HS6ST3: variants seen among roughly 807,000 people sequenced by gnomAD.
The protein encoded by HS6ST3 is heparan-sulfate 6-O-sulfotransferase 3.
In HS6ST3, 12 loss-of-function variants were observed where a neutral mutation model predicts 36.7. The observed-to-expected ratio is 0.33, with a 90% CI of 0.21 to 0.53. HS6ST3 has a LOEUF of 0.53. Among genes scored for constraint, HS6ST3 ranks in the 20% least tolerant of loss-of-function variants. The pLI, the probability that HS6ST3 is intolerant of heterozygous loss-of-function variation, is 0.95. For synonymous variants in HS6ST3, 240 were observed against 257.5 expected (o/e 0.93, Z 0.65); for missense variants, 584 against 640.9 (o/e 0.91, Z 0.96).
intron 1 of HS6ST3, among the ~76,000 whole-genome samples, chr13:96,361,188 C>T (rs567105223): frequency 3.5e-4 from 53 of 152,186 alleles, no homozygotes; most frequent in East Asian, 1.4e-3. Context: ...GTGAGTAACA[C>T]GGGCACACTT....
At chr13:96,666,091 A>G (rs764131974) in intron 1 of HS6ST3, among the ~76,000 whole-genome samples, 9 of 152,206 alleles carry the variant, frequency 5.9e-5, no homozygotes, top group Non-Finnish European at 8.8e-5. Context: ...GGGAAGCTCA[A>G]GAAACTTACA....
chr13:96,365,074 C>T (rs556187316), intron 1 of HS6ST3, among the ~76,000 whole-genome samples: 2 of 152,284 alleles, frequency 1.3e-5, no homozygotes, highest in South Asian at 2.1e-4. Flanking sequence ...CTTCCTTTCC[C>T]TCCAATGTGA....
intron 1 of HS6ST3, among the ~76,000 whole-genome samples, chr13:96,625,071 T>G (rs1159086564): frequency 6.6e-6 from 1 of 152,210 alleles, no homozygotes; most frequent in East Asian, 1.9e-4. Context: ...CCATAGGCAG[T>G]GCACAGGGAG....
chr13:96,633,481 T>C (rs2056538817), intron 1 of HS6ST3, among the ~76,000 whole-genome samples: 1 of 152,140 alleles, frequency 6.6e-6, no homozygotes, highest in African/African-American at 2.4e-5. Context: ...AGTCCATTAG[T>C]CTATTATTTC....
chr13:96,728,775 G>A (rs896824528), intron 1 of HS6ST3, among the ~76,000 whole-genome samples: 1 of 152,112 alleles, frequency 6.6e-6, no homozygotes, highest in African/African-American at 2.4e-5. Context: ...TCAAGGGAGA[G>A]CCACAATTGT....
intron 1 of HS6ST3, among the ~76,000 whole-genome samples, chr13:96,415,318 G>A (rs1223938782): frequency 1.3e-5 from 2 of 152,176 alleles, no homozygotes; most frequent in Non-Finnish European, 2.9e-5. Flanking sequence ...AGGAATCCAT[G>A]AGAAGCCCCA....
intron 1 of HS6ST3, among the ~76,000 whole-genome samples, chr13:96,385,543 T>C (rs2055363280): frequency 6.6e-6 from 1 of 152,214 alleles, no homozygotes; most frequent in Non-Finnish European, 1.5e-5. Flanking sequence ...TGGACCACTC[T>C]TGAGCTGCAT....
At chr13:96,094,311 A>G (rs1258767145) in intron 1 of HS6ST3, among the ~76,000 whole-genome samples, 2 of 152,190 alleles carry the variant, frequency 1.3e-5, no homozygotes, top group Non-Finnish European at 2.9e-5. Context: ...TACTATGTAG[A>G]TATATAGTAA....
intron 1 of HS6ST3, among the ~76,000 whole-genome samples, chr13:96,597,531 A>G (rs549796787): frequency 6.6e-6 from 1 of 151,460 alleles, no homozygotes; most frequent in South Asian, 2.1e-4. Context: ...ATTTATTGAG[A>G]TTATTTATTT....
At chr13:96,507,768 G>T in intron 1 of HS6ST3, among the ~76,000 whole-genome samples, 1 of 152,080 alleles carries the variant, frequency 6.6e-6, no homozygotes, top group East Asian at 1.9e-4. Flanking sequence ...TAGAATCATC[G>T]TTATTATTTG....
chr13:96,092,274 T>C (rs2139290126), intron 1 of HS6ST3, among the ~76,000 whole-genome samples: 1 of 152,324 alleles, frequency 6.6e-6, no homozygotes, highest in Admixed American at 6.5e-5. Context: ...GTTAAATGCC[T>C]ACAGGGTGCC....
rs78398825 is a variant in HS6ST3 at position 96,272,440 on chromosome 13, A to T, written c.707+180871A>T. On this transcript the variant is annotated intron_variant, in intron 1 of 1. Transcript: ENST00000376705. Reference sequence around the variant, plus strand: ...TTCCTCTCTGGTGATGAGTATAGGAATTCCTCCTCCCCAATTCCTGTTTAG... The same window carrying T: ...TTCCTCTCTGGTGATGAGTATAGGATTTCCTCCTCCCCAATTCCTGTTTAG... Among the ~76,000 whole-genome samples the T allele has an allele frequency of 9.8e-3, 1,493 of 152,064 alleles. 45 individuals are homozygous for T. Among genetic ancestry groups the T allele is most frequent in the African/African-American group, 0.035 (1,435 of 41,392 alleles).
chr13:96,296,279 C>T (rs1045453089), intron 1 of HS6ST3, among the ~76,000 whole-genome samples: 6 of 152,140 alleles, frequency 3.9e-5, no homozygotes, highest in Non-Finnish European at 8.8e-5. Context: ...AAGGATTTCT[C>T]CAATGAGCTT....
chr13:96,303,200 C>T (rs1420014884), intron 1 of HS6ST3, among the ~76,000 whole-genome samples: 5 of 152,098 alleles, frequency 3.3e-5, no homozygotes, highest in African/African-American at 1.2e-4. Context: ...ATGTTGATGC[C>T]TAAACTTCTC....
intron 1 of HS6ST3, among the ~76,000 whole-genome samples, chr13:96,297,561 C>G (rs2054861115): frequency 6.6e-6 from 1 of 152,148 alleles, no homozygotes; most frequent in African/African-American, 2.4e-5. Context: ...AGTTCTCACA[C>G]TGTTCCTTCC....
At chr13:96,395,033 T>C (rs912693) in intron 1 of HS6ST3, among the ~76,000 whole-genome samples, 127,189 of 151,822 alleles carry the variant, frequency 0.84, 53,687 homozygotes, top group South Asian at 0.91. Context: ...CTATTAAGGC[T>C]TCATTTGTTC....
At chr13:96,274,801 A>G (rs9556543) in intron 1 of HS6ST3, among the ~76,000 whole-genome samples, 8,341 of 151,220 alleles carry the variant, frequency 0.055, 315 homozygotes, top group East Asian at 0.15. Context: ...AAAGCTGACC[A>G]TAAAATTCCA....
rs146817807 is a variant in HS6ST3, at chr13:96,494,691, G to T, written c.708-337799G>T. Reference sequence around the variant, plus strand: ...CACACACACATACACACACACACACGAGGTAAGAGATAAGAAAAAGATAAA... The same window carrying T: ...CACACACACATACACACACACACACTAGGTAAGAGATAAGAAAAAGATAAA... On this transcript the variant is annotated intron_variant, in intron 1 of 1. Transcript: ENST00000376705. Among the ~76,000 whole-genome samples the T allele has an allele frequency of 1.5e-3, 221 of 151,700 alleles. 3 individuals carry two copies. The East Asian group carries it at 0.036, about 25-fold the overall frequency.
intron 1 of HS6ST3, among the ~76,000 whole-genome samples, chr13:96,698,173 C>T (rs1224645181): frequency 1.3e-5 from 2 of 152,028 alleles, no homozygotes; most frequent in African/African-American, 4.8e-5. Context: ...TTAGGTATAT[C>T]TCCCAATGCT....
Sources: allele counts gnomAD v4.1 joint callset (sites outside exome capture counted in the v4.1 genomes callset), GRCh38; gene constraint gnomAD v4.1.1; transcripts MANE v1.5; gene names NCBI Gene and HGNC (gene_info 2026-07-23, HGNC 2026-07-21).